The following C1orf87 variants were observed in gnomAD, a reference collection of about 807,000 sequenced individuals.
C1orf87 encodes the protein chromosome 1 open reading frame 87, also known as uncharacterized protein C1orf87.
In C1orf87, 58 loss-of-function variants were observed where a neutral mutation model predicts 60.5. The ratio of observed to expected loss-of-function variants is 0.96; its 90% CI spans 0.78 to 1.19. The LOEUF (loss-of-function observed/expected upper bound fraction) is 1.19, where lower values mean the gene tolerates loss of function less well. Ranked by LOEUF, C1orf87 falls within the 50% of genes most tolerant of loss-of-function variation. The probability of loss-of-function intolerance (pLI) is 0.00; values close to 1 mark genes in which losing one functional copy is unlikely to be tolerated. For synonymous variants in C1orf87, 236 were observed against 227.4 expected, an observed-to-expected ratio of 1.04 and a Z score of -0.34; for missense variants, 673 against 638.6, an observed-to-expected ratio of 1.05 and a Z score of -0.58.
chr1:60,026,963 C>T (rs141828122), intron 7 of C1orf87, among the ~76,000 whole-genome samples: 2 of 152,318 alleles, frequency 1.3e-5, no homozygotes, highest in African/African-American at 4.8e-5. Context: ...ATTTGAAGTT[C>T]TGTCCCCAAG....
chr1:60,012,898 T>C (rs956394481), intron 8 of C1orf87, among the ~76,000 whole-genome samples: 1 of 152,176 alleles, frequency 6.6e-6, no homozygotes, highest in Non-Finnish European at 1.5e-5. Context: ...CTTGACTTCA[T>C]TTACATTTTT....
intron 8 of C1orf87, 59 bp from the exon 9 acceptor site, chr1:60,010,515 C>T: frequency 7.0e-7 from 1 of 1,421,910 alleles, no homozygotes; most frequent in Non-Finnish European, 9.9e-7. Flanking sequence ...AAAGAATGTC[C>T]AGTGAAGCTC....
intron 11 of C1orf87, among the ~76,000 whole-genome samples, chr1:59,995,613 G>A (rs962480493): frequency 1.3e-5 from 2 of 152,200 alleles, no homozygotes; most frequent in Admixed American, 6.5e-5. Context: ...TCTACCTGAA[G>A]TCTCAGCTCA....
At chr1:60,069,159 G>A (rs981971752) in intron 2 of C1orf87, among the ~76,000 whole-genome samples, 1 of 152,106 alleles carries the variant, frequency 6.6e-6, no homozygotes. Flanking sequence ...GCCCCCAGGT[G>A]GGGCAGGCAA....
chr1:60,002,021 C>A (rs7533549), intron 9 of C1orf87, among the ~76,000 whole-genome samples: 1 of 152,030 alleles, frequency 6.6e-6, no homozygotes, highest in Non-Finnish European at 1.5e-5. Context: ...GACTTGGTGA[C>A]TTATTTATTT....
chr1:60,029,418 A>T (rs1645221233), intron 7 of C1orf87, among the ~76,000 whole-genome samples: 2 of 151,906 alleles, frequency 1.3e-5, no homozygotes. Flanking sequence ...TGATCATATC[A>T]TTCACTTGTT....
intron 9 of C1orf87, among the ~76,000 whole-genome samples, chr1:60,006,918 A>AC: frequency 7.0e-6 from 1 of 143,176 alleles, no homozygotes; most frequent in Non-Finnish European, 1.5e-5. Context: ...TCTCTTGCAT[A>AC]CTTTTTTTTT....
chr1:59,991,956 A>G (rs958425407), intron 11 of C1orf87, among the ~76,000 whole-genome samples: 1 of 152,194 alleles, frequency 6.6e-6, no homozygotes, highest in Admixed American at 6.5e-5. Flanking sequence ...TACCTCTGGA[A>G]GTTCTCTGTC....
In C1orf87 at chr1:60,037,984, A is replaced by C. The variant is rs778828792; in HGVS notation, c.863+8T>G. 50 of 1,587,820 alleles carry C rather than the reference A, an allele frequency of 3.1e-5. No homozygotes were observed. The highest frequency in any genetic ancestry group is 2.5e-4 in the Admixed American group (15 of 59,494). On this transcript the variant is annotated splice_region_variant and intron_variant, in intron 6 of 11. Transcript: ENST00000371201. Reference sequence around the variant, plus strand: ...GAACAATACCCTCACAAAAAGGGAGAAGAGTACCTTTGGCTATGAGTGCCA... The same window carrying C: ...GAACAATACCCTCACAAAAAGGGAGCAGAGTACCTTTGGCTATGAGTGCCA...
intron 8 of C1orf87, among the ~76,000 whole-genome samples, chr1:60,023,919 G>A (rs1645181185): frequency 6.6e-6 from 1 of 152,094 alleles, no homozygotes; most frequent in African/African-American, 2.4e-5. Flanking sequence ...TATTACACTG[G>A]GGTTACATGT....
intron 6 of C1orf87, among the ~76,000 whole-genome samples, chr1:60,037,210 T>G (rs148277020): frequency 2.0e-5 from 3 of 152,310 alleles, no homozygotes; most frequent in Non-Finnish European, 2.9e-5. Flanking sequence ...GTCTATGCCA[T>G]GGACTGACTG....
intron 7 of C1orf87, among the ~76,000 whole-genome samples, chr1:60,031,740 A>G (rs769278163): frequency 2.0e-5 from 3 of 152,176 alleles, no homozygotes; most frequent in Non-Finnish European, 4.4e-5. Context: ...TTTAGTAAAT[A>G]TATTTTGATT....
chr1:60,048,454 G>A (rs1280789623), intron 3 of C1orf87, among the ~76,000 whole-genome samples: 1 of 152,094 alleles, frequency 6.6e-6, no homozygotes, highest in Non-Finnish European at 1.5e-5. Context: ...ACAGTAGCAG[G>A]TAATACATGT....
intron 9 of C1orf87, among the ~76,000 whole-genome samples, chr1:60,004,359 G>T (rs1645027868): frequency 6.6e-6 from 1 of 152,034 alleles, no homozygotes; most frequent in African/African-American, 2.4e-5. Context: ...ATCTGTTGTT[G>T]TGTTATTATT....
intron 7 of C1orf87, among the ~76,000 whole-genome samples, chr1:60,029,141 C>G (rs1170719406): frequency 3.9e-5 from 6 of 152,182 alleles, no homozygotes; most frequent in Non-Finnish European, 4.4e-5. Context: ...AATGGCACCA[C>G]TATCCATCAA....
chr1:59,990,529 G>T lies in C1orf87; in HGVS notation c.*144C>A. The T allele has an allele frequency of 1.0e-6, 1 of 993,674 alleles. No individual in the cohort carries two copies. 61.6% of individuals were successfully genotyped at this position (993,674 alleles called of 1,614,324 possible). ...AGTGAGCATCATAGCCAGAAACTAAGTCCAAATCAAAAGCATCTACAATAG... is the reference window on the plus strand; with the variant it reads ...AGTGAGCATCATAGCCAGAAACTAATTCCAAATCAAAAGCATCTACAATAG... On this transcript the variant is annotated 3_prime_UTR_variant, in exon 12 of 12. Transcript: ENST00000371201.
intron 2 of C1orf87, among the ~76,000 whole-genome samples, chr1:60,062,067 A>T (rs1645501154): frequency 6.6e-6 from 1 of 152,136 alleles, no homozygotes; most frequent in South Asian, 2.1e-4. Flanking sequence ...TCTCTTGACC[A>T]AAGGTCACTG....
intron 7 of C1orf87, among the ~76,000 whole-genome samples, chr1:60,029,801 C>T (rs549483768): frequency 5.3e-5 from 8 of 151,946 alleles, no homozygotes; most frequent in East Asian, 3.9e-4. Flanking sequence ...CCACCATGCC[C>T]GGCTAATTTT....
chr1:59,996,703 C>T (rs1644965657), intron 11 of C1orf87, among the ~76,000 whole-genome samples: 2 of 152,288 alleles, frequency 1.3e-5, no homozygotes, highest in South Asian at 4.1e-4. Flanking sequence ...ATCAATTTAA[C>T]ATTAACAAAG....
Sources: allele counts gnomAD v4.1 joint callset (sites outside exome capture counted in the v4.1 genomes callset), GRCh38; gene constraint gnomAD v4.1.1; transcripts MANE v1.5; gene names NCBI Gene and HGNC (gene_info 2026-07-23, HGNC 2026-07-21).